The following SUSD4 variants were observed in gnomAD, a reference collection of about 807,000 sequenced individuals.
SUSD4 encodes sushi domain-containing protein 4.
In SUSD4, 41 loss-of-function variants were observed where a neutral mutation model predicts 50.5. The observed-to-expected ratio is 0.81, with a 90% CI of 0.63 to 1.05. The LOEUF (loss-of-function observed/expected upper bound fraction) is 1.05, where lower values mean the gene tolerates loss of function less well. SUSD4 is among the 50% of genes least tolerant of loss of function. The probability of loss-of-function intolerance (pLI) is 0.00; values close to 1 mark genes in which losing one functional copy is unlikely to be tolerated. For synonymous variants in SUSD4, 257 were observed against 257.3 expected (o/e 1.00, Z 0.01); for missense variants, 580 against 634.7 (o/e 0.91, Z 0.93).
At chr1:223,225,769 A>G (rs1659478169) in intron 7 of SUSD4, among the ~76,000 whole-genome samples, 1 of 152,078 alleles carries the variant, frequency 6.6e-6, no homozygotes, top group South Asian at 2.1e-4. Flanking sequence ...CACCCAGGAT[A>G]CAGCTCCCAA....
chr1:223,273,264 G>T (rs1571940873), intron 3 of SUSD4, among the ~76,000 whole-genome samples: 1 of 152,348 alleles, frequency 6.6e-6, no homozygotes, highest in East Asian at 1.9e-4. Flanking sequence ...GGGCTTTGTA[G>T]ATTAGGGCAG....
At chr1:223,234,845 G>T in intron 5 of SUSD4, 3 of 1,387,808 alleles carry the variant, frequency 2.2e-6, no homozygotes, top group East Asian at 2.6e-5. Flanking sequence ...AATGCCAGTT[G>T]GTTCTTCCCT....
chr1:223,334,260 T>G (rs1667334964), intron 2 of SUSD4, among the ~76,000 whole-genome samples: 1 of 151,616 alleles, frequency 6.6e-6, no homozygotes, highest in Admixed American at 6.6e-5. Flanking sequence ...CTGAAAAGCT[T>G]CAACAAAAAA....
chr1:223,266,569 T>C (rs1327617184), intron 4 of SUSD4, among the ~76,000 whole-genome samples: 1 of 152,222 alleles, frequency 6.6e-6, no homozygotes, highest in Non-Finnish European at 1.5e-5. Flanking sequence ...TTATAATTCA[T>C]GCAGTTAATC....
intron 3 of SUSD4, among the ~76,000 whole-genome samples, chr1:223,274,492 C>A (rs952766416): frequency 6.6e-6 from 1 of 152,198 alleles, no homozygotes; most frequent in African/African-American, 2.4e-5. Context: ...TTTTGGCTTG[C>A]AGCTGAAGGT....
At chr1:223,243,281 C>T (rs955841492) in intron 5 of SUSD4, among the ~76,000 whole-genome samples, 1 of 152,192 alleles carries the variant, frequency 6.6e-6, no homozygotes, top group South Asian at 2.1e-4. Context: ...GCTGGGCTGC[C>T]CGCCTTGCCC....
chr1:223,356,078 A>G, intron 2 of SUSD4, among the ~76,000 whole-genome samples: 1 of 152,054 alleles, frequency 6.6e-6, no homozygotes, highest in East Asian at 1.9e-4. Flanking sequence ...GACTTCTCTG[A>G]TGTTCCCAGT....
At chr1:223,298,516 T>C (rs181789726) in intron 2 of SUSD4, among the ~76,000 whole-genome samples, 14 of 152,310 alleles carry the variant, frequency 9.2e-5, no homozygotes, top group East Asian at 3.9e-4. Context: ...GGGATTTGAC[T>C]GAGACATCTA....
In SUSD4 at chr1:223,297,852, C is replaced by T. The variant is rs547373278; in HGVS notation, c.149-5201G>A. Among the ~76,000 whole-genome samples, 18 of 152,214 alleles carry T rather than the reference C, an allele frequency of 1.2e-4. No homozygotes were observed. In the South Asian group the frequency reaches 3.5e-3, roughly 30 times the overall value. ...TAAAGTGGACATTCTACAAGTGTTG[C>T]TAATGAAGGATAAAGCAAGGGATGG... On this transcript the variant is annotated intron_variant, in intron 2 of 8. Coordinates refer to ENST00000366878, the MANE Select transcript of SUSD4 (RefSeq NM_017982.4).
chr1:223,225,124 A>C (rs1250390047), intron 7 of SUSD4, among the ~76,000 whole-genome samples: 2 of 150,952 alleles, frequency 1.3e-5, no homozygotes, highest in Non-Finnish European at 3.0e-5. Context: ...CCTGCCTCAG[A>C]CTCCTAGAGT....
At chr1:223,328,671 T>G (rs1040677051) in intron 2 of SUSD4, among the ~76,000 whole-genome samples, 9 of 152,190 alleles carry the variant, frequency 5.9e-5, no homozygotes, top group Admixed American at 3.9e-4. Flanking sequence ...GTTCTGATTT[T>G]AGGAGTGTCT....
Position 223,223,571 on chromosome 1 carries a change from G to A in SUSD4, c.1122C>T (p.Val374=), listed in dbSNP as rs562498624. 1.2e-5 allele frequency: 20 copies of A among 1,613,356 alleles called. No homozygotes were observed. The East Asian group carries it at 4.2e-4, about 34-fold the overall frequency. Residue 374 remains valine, a synonymous_variant, in exon 8 of 9, where the codon GTC becomes GTT. Coordinates refer to ENST00000366878, the MANE Select transcript of SUSD4 (RefSeq NM_017982.4). ...CAGCTTCGTCATAGGACGGGAGCAT[G>A]ACGGGCACGCCGTCTACCACCACAA... is the stretch of plus-strand genomic sequence containing the variant. ...PDFVVVDGVP[V]MLPSYDEAVS... is the part of the protein sequence containing the mutation.
chr1:223,243,478 C>G (rs1302032373), intron 5 of SUSD4, among the ~76,000 whole-genome samples: 1 of 152,182 alleles, frequency 6.6e-6, no homozygotes, highest in Non-Finnish European at 1.5e-5. Flanking sequence ...ACTCCCTGCC[C>G]CTTTTGGTGA....
At chr1:223,358,271 G>A (rs1668778842) in intron 2 of SUSD4, among the ~76,000 whole-genome samples, 2 of 151,980 alleles carry the variant, frequency 1.3e-5, no homozygotes, top group Admixed American at 1.3e-4. Context: ...TGGATGGATG[G>A]GTGGGAAAAA....
At chr1:223,303,144 C>T (rs1665298259) in intron 2 of SUSD4, among the ~76,000 whole-genome samples, 2 of 151,966 alleles carry the variant, frequency 1.3e-5, no homozygotes, top group Admixed American at 6.6e-5. Flanking sequence ...CAGAGCAAGA[C>T]CCTATCTCAA....
rs1240889518 is a variant in SUSD4 at position 223,317,835 on chromosome 1, TTTTTTTTTTTTTTTTC to T, written c.149-25200_149-25185del. 1.0e-4 allele frequency among the ~76,000 whole-genome samples: 8 copies of T among 78,578 alleles called. 1 individual carries two copies. The highest frequency in any genetic ancestry group is 1.4e-4 in the African/African-American group (4 of 27,596). The allele number at this position is 78,578 out of a possible 152,430, so 51.6% of individuals were successfully genotyped here. A position where few individuals can be genotyped will look rare whatever the true frequency, so the allele number is the denominator to read the frequency against. On this transcript the variant is annotated intron_variant, in intron 2 of 8. Coordinates refer to ENST00000366878, the MANE Select transcript of SUSD4 (RefSeq NM_017982.4). ...GGGAGCTCGTCAATGCTTGCCCTTC[TTTTTTTTTTTTTTTTC>T]TTTTTTTTTTTTTTTTTTATTATAC... is the stretch of plus-strand genomic sequence containing the variant.
chr1:223,339,818 C>A (rs552042095), intron 2 of SUSD4, among the ~76,000 whole-genome samples: 23 of 152,310 alleles, frequency 1.5e-4, no homozygotes, highest in African/African-American at 5.3e-4. Flanking sequence ...GAAGGCTGGG[C>A]CCCGGCTCCC....
At chr1:223,247,650 T>C (rs1661029357) in intron 5 of SUSD4, among the ~76,000 whole-genome samples, 1 of 152,206 alleles carries the variant, frequency 6.6e-6, no homozygotes, top group African/African-American at 2.4e-5. Context: ...CACCTCTTTC[T>C]GCCATGTTAG....
chr1:223,247,973 T>C (rs1418642201), intron 5 of SUSD4, among the ~76,000 whole-genome samples: 1 of 152,212 alleles, frequency 6.6e-6, no homozygotes, highest in Non-Finnish European at 1.5e-5. Context: ...GGACTCTTGC[T>C]ATATGAATTG....
Sources: allele counts gnomAD v4.1 joint callset (sites outside exome capture counted in the v4.1 genomes callset), GRCh38; gene constraint gnomAD v4.1.1; transcripts MANE v1.5; gene names NCBI Gene and HGNC (gene_info 2026-07-23, HGNC 2026-07-21).